Variants in GLRA2 observed in about 807,000 individuals in gnomAD.
GLRA2 encodes the protein glycine receptor alpha 2, also known as glycine receptor subunit alpha-2.
A neutral mutation model predicts 31.6 loss-of-function variants in GLRA2; 11 were observed. That is an observed-to-expected ratio of 0.35 (90% CI 0.22 to 0.58). The LOEUF is 0.58. Ranked by LOEUF, GLRA2 falls within the 20% of genes least tolerant of loss-of-function variation. GLRA2 has a pLI of 0.84. For missense variants in GLRA2, 212 were observed against 351.8 expected, an observed-to-expected ratio of 0.60 and a Z score of 3.18; for synonymous variants, 132 against 134.0, an observed-to-expected ratio of 0.99 and a Z score of 0.10.
At position 14,730,741 on chromosome X, in the gene GLRA2, T is replaced by G. The variant is rs903926631; in HGVS notation, c.*256T>G. On this transcript the variant is annotated 3_prime_UTR_variant, in exon 9 of 9. Transcript: ENST00000218075. ...CTTCCATAATCTTTAGCATTGTTCT[T>G]TCAGTCAGACATGATATGCGCAACA... 1.8e-5 allele frequency: 6 copies of G among 340,837 alleles called. No homozygotes were observed. The highest frequency in any genetic ancestry group is 1.6e-4 in the African/African-American group (6 of 38,552). The allele number at this position is 340,837 out of a possible 1,213,427, so 28.1% of individuals were successfully genotyped here. A position where few individuals can be genotyped will look rare whatever the true frequency, so the allele number is the denominator to read the frequency against.
At chrX:14,559,370 A>C (rs924215120) in intron 2 of GLRA2, among the ~76,000 whole-genome samples, 9 of 108,326 alleles carry the variant, frequency 8.3e-5, no homozygotes, top group Admixed American at 9.9e-5. Context: ...TGAATTTTCA[A>C]GGAGATTAAA....
At chrX:14,654,155 GA>G (rs2090917702) in intron 7 of GLRA2, among the ~76,000 whole-genome samples, 1 of 110,717 alleles carries the variant, frequency 9.0e-6, no homozygotes, top group African/African-American at 3.3e-5. Context: ...AAAAATCACT[GA>G]AATTACCACT....
At chrX:14,712,041 T>C (rs1198489034) in intron 8 of GLRA2, among the ~76,000 whole-genome samples, 1 of 113,000 alleles carries the variant, frequency 8.8e-6, no homozygotes, top group Non-Finnish European at 1.9e-5. Flanking sequence ...TGTCATGTTA[T>C]TATAGAAAAA....
At chrX:14,599,977 C>G (rs2090249571) in intron 4 of GLRA2, among the ~76,000 whole-genome samples, 1 of 110,972 alleles carries the variant, frequency 9.0e-6, no homozygotes, top group South Asian at 3.8e-4. Flanking sequence ...ACTGTTAACT[C>G]TCCTCCTTAT....
Position 14,529,908 on chromosome X carries a change from A to T in GLRA2, c.-150A>T. 2 of 501,118 alleles carry T rather than the reference A, an allele frequency of 4.0e-6. No individual in the cohort carries two copies. Among genetic ancestry groups the T allele is most frequent in the Admixed American group, 6.1e-5 (2 of 32,744 alleles). The allele number at this position is 501,118 out of a possible 1,213,427, so 41.3% of individuals were successfully genotyped here. On this transcript the variant is annotated 5_prime_UTR_variant, in exon 1 of 9. Transcript: ENST00000218075. ...GGACTGGCACTTTTTCTTTTTTCTC[A>T]GCAAACTGTACAAAACCAAATCTCT...
At chrX:14,541,024 G>A (rs2089396396) in intron 2 of GLRA2, among the ~76,000 whole-genome samples, 1 of 110,953 alleles carries the variant, frequency 9.0e-6, no homozygotes, top group African/African-American at 3.3e-5. Flanking sequence ...TTCCTGTGGA[G>A]CTTACGAAAA....
chrX:14,712,512 A>T (rs986397376), intron 8 of GLRA2, among the ~76,000 whole-genome samples: 1 of 111,419 alleles, frequency 9.0e-6, no homozygotes, highest in Non-Finnish European at 1.9e-5. Context: ...AATTGAAAAA[A>T]AAAAAACTAT....
chrX:14,711,751 C>T (rs2083387355), intron 8 of GLRA2, among the ~76,000 whole-genome samples: 1 of 112,648 alleles, frequency 8.9e-6, no homozygotes, highest in Non-Finnish European at 1.9e-5. Context: ...AAGTGACTTA[C>T]CCAGTTCCCA....
At position 14,574,410 on chromosome X, in the gene GLRA2, G is replaced by A. The variant is rs749012577; in HGVS notation, c.270+10G>A. ...CACAGAAACGACCATGGTAAGTGCT[G>A]CAATGCCACTGGCAAGAGAAAGACA... On this transcript the variant is annotated intron_variant, in intron 3 of 8. Coordinates refer to ENST00000218075, the MANE Select transcript of GLRA2 (RefSeq NM_002063.4). The A allele has an allele frequency of 3.2e-5, 37 of 1,165,145 alleles. No individual in the cohort carries two copies. The South Asian group carries it at 5.7e-4, about 18-fold the overall frequency.
chrX:14,550,446 C>T (rs73635045), intron 2 of GLRA2, among the ~76,000 whole-genome samples: 2,344 of 109,959 alleles, frequency 0.021, 67 homozygotes, highest in African/African-American at 0.074. Flanking sequence ...CATTTCCTTA[C>T]TCTGATAATA....
chrX:14,596,652 G>T (rs1190766802), intron 4 of GLRA2, among the ~76,000 whole-genome samples: 1 of 97,238 alleles, frequency 1.0e-5, no homozygotes, highest in Non-Finnish European at 2.2e-5. Context: ...GTCTCAAAAA[G>T]AAAATAATAA....
rs1247585818 is a variant in GLRA2, at chrX:14,532,992, C to A, written c.202+620C>A. 9.0e-5 allele frequency among the ~76,000 whole-genome samples: 10 copies of A among 111,009 alleles called. No individual in the cohort carries two copies. In the Admixed American group the frequency reaches 9.6e-4, roughly 11 times the overall value. On this transcript the variant is annotated intron_variant, in intron 2 of 8. Coordinates refer to ENST00000218075, the MANE Select transcript of GLRA2 (RefSeq NM_002063.4). ...TTTCTTTGTTCAATTAGAAGCAAACCAATATTTTTTGTTTTTATTTGTTGA... is the reference window on the plus strand; with the variant it reads ...TTTCTTTGTTCAATTAGAAGCAAACAAATATTTTTTGTTTTTATTTGTTGA...
chrX:14,626,312 T>C (rs113668952), intron 7 of GLRA2, among the ~76,000 whole-genome samples: 26 of 112,460 alleles, frequency 2.3e-4, no homozygotes, highest in African/African-American at 8.4e-4. Context: ...ATGCTAATTA[T>C]AGGCGGTAGC....
intron 7 of GLRA2, among the ~76,000 whole-genome samples, chrX:14,670,953 A>G (rs781325627): frequency 1.8e-5 from 2 of 111,873 alleles, no homozygotes; most frequent in African/African-American, 6.5e-5. Context: ...GAGAGTTGGC[A>G]TATGCTGAAT....
intron 4 of GLRA2, among the ~76,000 whole-genome samples, chrX:14,602,844 G>A (rs2090291594): frequency 1.8e-5 from 2 of 111,926 alleles, no homozygotes; most frequent in Admixed American, 9.5e-5. Flanking sequence ...GGGCATTTGG[G>A]TTGGTTCCAC....
At chrX:14,561,052 G>A (rs756662960) in intron 2 of GLRA2, among the ~76,000 whole-genome samples, 2 of 111,464 alleles carry the variant, frequency 1.8e-5, no homozygotes, top group Non-Finnish European at 3.8e-5. Flanking sequence ...TTAAGTATTT[G>A]TTGTCCATAT....
In GLRA2 at chrX:14,604,251, G is replaced by T. The variant is rs1285976638; in HGVS notation, c.495-64G>T. On this transcript the variant is annotated intron_variant, in intron 4 of 8. Transcript: ENST00000218075. Reference sequence around the variant, plus strand: ...GCTTAATGCCAAGTGTATTTTGTTTGTTTCTCAACAACTGGACTTCATAGA... The same window carrying T: ...GCTTAATGCCAAGTGTATTTTGTTTTTTTCTCAACAACTGGACTTCATAGA... 6.1e-6 allele frequency: 4 copies of T among 653,777 alleles called. No homozygotes were observed. The Admixed American group carries it at 9.9e-5, about 16-fold the overall frequency. The allele number at this position is 653,777 out of a possible 1,213,427, so 53.9% of individuals were successfully genotyped here.
chrX:14,570,064 A>C (rs185542944), intron 2 of GLRA2, among the ~76,000 whole-genome samples: 50 of 111,887 alleles, frequency 4.5e-4, no homozygotes, highest in Admixed American at 4.5e-3. Flanking sequence ...AGGGACATAA[A>C]GTAGATTAGA....
At chrX:14,684,478 C>T (rs1214732848) in intron 7 of GLRA2, among the ~76,000 whole-genome samples, 2 of 111,381 alleles carry the variant, frequency 1.8e-5, no homozygotes, top group Non-Finnish European at 3.8e-5. Flanking sequence ...TTGTTTGTGT[C>T]CTCTTTTATT....
Sources: gnomAD v4.1 joint callset for allele counts (sites outside exome capture counted in the v4.1 genomes callset) on GRCh38, gnomAD v4.1.1 for gene constraint, MANE v1.5 for transcripts, NCBI Gene and HGNC (gene_info 2026-07-23, HGNC 2026-07-21) for gene names.